Variants in TEX9 observed in about 807,000 individuals in gnomAD.
TEX9 encodes testis-expressed protein 9.
In TEX9, 74 loss-of-function variants were observed where a neutral mutation model predicts 59.6. The observed-to-expected ratio is 1.24, with a 90% CI of 1.03 to 1.51. The LOEUF is 1.51. Among genes scored for constraint, TEX9 ranks in the 40% most tolerant of loss-of-function variants. The pLI is 0.00. For synonymous variants in TEX9, 186 were observed against 152.2 expected, an observed-to-expected ratio of 1.22 and a Z score of -1.64; for missense variants, 522 against 447.8, an observed-to-expected ratio of 1.17 and a Z score of -1.49.
chr15:56,258,642 C>T lies in TEX9; in HGVS notation c.-107+14364C>T, dbSNP rs560453133. On this transcript the variant is annotated intron_variant, in intron 1 of 5. Transcript: ENST00000560827. ...GATTTTTGCACATTGATTTTTGTGT[C>T]ACTCTTTTTCCTTTCCTCCATTTTG... Among the ~76,000 whole-genome samples, 8 of 152,076 alleles carry T rather than the reference C, an allele frequency of 5.3e-5. No individual in the cohort carries two copies. The East Asian group carries it at 1.5e-3, about 29-fold the overall frequency.
intron 10 of TEX9, among the ~76,000 whole-genome samples, chr15:56,415,948 C>G (rs1316999688): frequency 1.3e-5 from 2 of 151,870 alleles, no homozygotes; most frequent in East Asian, 3.9e-4. Flanking sequence ...TCTTGCACCT[C>G]CCTGGTTAGC....
intron 1 of TEX9, among the ~76,000 whole-genome samples, chr15:56,316,693 G>A (rs377514574): frequency 1.3e-5 from 2 of 152,064 alleles, no homozygotes; most frequent in Admixed American, 1.3e-4. Flanking sequence ...TGGAGCTTCC[G>A]GGCTGCTTTG....
intron 10 of TEX9, 55 bp from the exon 11 acceptor site, chr15:56,427,550 C>A (rs1390283576): frequency 1.6e-6 from 2 of 1,223,624 alleles, no homozygotes; most frequent in Non-Finnish European, 2.2e-6. Context: ...GTCTATAATT[C>A]TTTCCATTGA....
chr15:56,402,876 A>G (rs1396654773), intron 9 of TEX9, among the ~76,000 whole-genome samples: 14 of 152,246 alleles, frequency 9.2e-5, no homozygotes, highest in Admixed American at 9.2e-4. Flanking sequence ...AGAACCAACA[A>G]CAAAAACCAC....
At chr15:56,386,853 A>C (rs1364831608) in intron 4 of TEX9, among the ~76,000 whole-genome samples, 3 of 151,914 alleles carry the variant, frequency 2.0e-5, no homozygotes, top group Admixed American at 1.3e-4. Context: ...GGCTTTTACC[A>C]TGTAAAACAT....
chr15:56,308,109 G>A (rs1596078039), intron 1 of TEX9, among the ~76,000 whole-genome samples: 1 of 152,056 alleles, frequency 6.6e-6, no homozygotes, highest in Admixed American at 6.6e-5. Flanking sequence ...GAAAACGATG[G>A]GTCTTTAGGT....
intron 1 of TEX9, among the ~76,000 whole-genome samples, chr15:56,340,131 A>C (rs1348288739): frequency 6.6e-6 from 1 of 152,052 alleles, no homozygotes; most frequent in Non-Finnish European, 1.5e-5. Flanking sequence ...ATTGTTTTTT[A>C]TTTTACAATC....
At chr15:56,245,849 A>G (rs1038280599) in intron 1 of TEX9, among the ~76,000 whole-genome samples, 23 of 152,120 alleles carry the variant, frequency 1.5e-4, no homozygotes, top group Non-Finnish European at 2.5e-4. Flanking sequence ...ACGCTGAAAA[A>G]TCTTGAATGT....
chr15:56,245,546 G>C (rs1334213534), intron 1 of TEX9, among the ~76,000 whole-genome samples: 1 of 152,192 alleles, frequency 6.6e-6, no homozygotes, highest in Non-Finnish European at 1.5e-5. Context: ...CAGTATTTTT[G>C]TGGACCTAAT....
At chr15:56,432,852 A>G (rs1453466424) in intron 12 of TEX9, among the ~76,000 whole-genome samples, 1 of 152,148 alleles carries the variant, frequency 6.6e-6, no homozygotes, top group Non-Finnish European at 1.5e-5. Flanking sequence ...CCTACTTTGT[A>G]TAGTTTTAAA....
chr15:56,263,060 G>T (rs769615125), intron 1 of TEX9, among the ~76,000 whole-genome samples: 24 of 152,126 alleles, frequency 1.6e-4, no homozygotes, highest in Non-Finnish European at 3.5e-4. Flanking sequence ...GTTTTGGTTT[G>T]TTGCCCAGGC....
upstream of TEX9, among the ~76,000 whole-genome samples, chr15:56,363,850 CTT>C (rs202238176): frequency 1.4e-5 from 2 of 139,416 alleles, no homozygotes. Flanking sequence ...TATCTATTTC[CTT>C]TTTTTTTTTT....
chr15:56,284,130 TGTCTTTTGACCTA>T (rs67406278), intron 1 of TEX9, among the ~76,000 whole-genome samples: 4,778 of 152,286 alleles, frequency 0.031, 183 homozygotes, highest in East Asian at 0.095. Flanking sequence ...AAAATGTTTA[TGTCTTTTGACCTA>T]GTAATTACAC....
At chr15:56,259,961 A>G (rs536645892) in intron 1 of TEX9, among the ~76,000 whole-genome samples, 1 of 152,062 alleles carries the variant, frequency 6.6e-6, no homozygotes, top group Non-Finnish European at 1.5e-5. Context: ...GTGATCTTAC[A>G]TGTCTTTTAT....
chr15:56,306,687 TACA>T (rs1384407427), intron 1 of TEX9, among the ~76,000 whole-genome samples: 1 of 152,214 alleles, frequency 6.6e-6, no homozygotes, highest in Non-Finnish European at 1.5e-5. Context: ...TATTTTATAG[TACA>T]ACAAGGTGAT....
chr15:56,263,675 C>T (rs2044317462), intron 1 of TEX9, among the ~76,000 whole-genome samples: 1 of 152,106 alleles, frequency 6.6e-6, no homozygotes, highest in Non-Finnish European at 1.5e-5. Context: ...TTCCATCATT[C>T]CCCCAAATTT....
intron 1 of TEX9, chr15:56,249,007 A>T (rs1290319577): frequency 1.3e-5 from 2 of 152,234 alleles, no homozygotes; most frequent in East Asian, 1.9e-4. Context: ...CCTTAGAAAG[A>T]TTAAAAAATA....
intron 3 of TEX9, among the ~76,000 whole-genome samples, chr15:56,381,409 A>G (rs1174666663): frequency 2.6e-5 from 4 of 152,090 alleles, no homozygotes; most frequent in Admixed American, 2.0e-4. Context: ...CTGGTGTCTT[A>G]TTTAGCTCAT....
chr15:56,294,444 A>T (rs747764335), intron 1 of TEX9, among the ~76,000 whole-genome samples: 21 of 152,128 alleles, frequency 1.4e-4, no homozygotes, highest in South Asian at 2.1e-4. Context: ...GAAATCAGTG[A>T]TATATTAGTA....
Sources: gnomAD v4.1 joint callset for allele counts (sites outside exome capture counted in the v4.1 genomes callset) on GRCh38, gnomAD v4.1.1 for gene constraint, MANE v1.5 for transcripts, NCBI Gene and HGNC (gene_info 2026-07-23, HGNC 2026-07-21) for gene names.